The following PKDREJ variants were observed in gnomAD, a reference collection of about 807,000 sequenced individuals.
PKDREJ encodes polycystin family receptor for egg jelly.
For missense variants in PKDREJ, 2,507 were observed against 2,807.2 expected, an observed-to-expected ratio of 0.89 and a Z score of 2.42; for synonymous variants, 1,031 against 1,095.5, an observed-to-expected ratio of 0.94 and a Z score of 1.16.
In PKDREJ at chr22:46,258,308, C is replaced by A. The variant is rs760064218; in HGVS notation, c.5015G>T (p.Arg1672Met). Residue 1672 changes from arginine (R) to methionine (M), a missense_variant, in exon 1 of 1, where the codon AGG (arginine) becomes ATG (methionine). Coordinates refer to ENST00000253255, the MANE Select transcript of PKDREJ (RefSeq NM_006071.2). This position sits in a 1 kb window ranked among gnomAD's most constrained non-coding sequence, Gnocchi z 6.1. ...GATTCGGACGATCTGGTCATGTATC[C>A]TCTGCATTTCTTCTGGATGCATACG... ...GMRMHPEEMQ[R>M]IHDQIVRIRG... The A allele has an allele frequency of 6.2e-7, 1 of 1,614,142 alleles. No homozygotes were observed. Among genetic ancestry groups the A allele is most frequent in the South Asian group, 1.1e-5 (1 of 91,082 alleles).
rs1044843895 is a variant in PKDREJ at position 46,263,275 on chromosome 22, C to G, written c.48G>C (p.Leu16=). ...GCGGCAGCGGGAGGCGGCCGACGCTCAGGCTCAGGCCCACGCCCAGAAGGA... is the reference window on the plus strand; with the variant it reads ...GCGGCAGCGGGAGGCGGCCGACGCTGAGGCTCAGGCCCACGCCCAGAAGGA... The part of the protein sequence containing the change: ...ALLLLGVGLS[L]SVGRLPLPPV... Residue 16 remains leucine (L), a synonymous_variant, in exon 1 of 1, where the codon CTG becomes CTC. Coordinates refer to ENST00000253255, the MANE Select transcript of PKDREJ (RefSeq NM_006071.2). This position sits in a 1 kb window ranked among gnomAD's most constrained non-coding sequence, Gnocchi z 9.4. 4.8e-6 allele frequency: 7 copies of G among 1,468,308 alleles called. No individual in the cohort carries two copies. The African/African-American group carries it at 8.9e-5, about 19-fold the overall frequency. The allele number at this position is 1,468,308 out of a possible 1,614,324, so 91.0% of individuals were successfully genotyped here. A position where few individuals can be genotyped will look rare whatever the true frequency, so the allele number is the denominator to read the frequency against.
chr22:46,260,565 C>T lies in PKDREJ; in HGVS notation c.2758G>A (p.Asp920Asn), dbSNP rs1936685410. 6 of 1,614,020 alleles carry T rather than the reference C, an allele frequency of 3.7e-6. No individual in the cohort carries two copies. Among genetic ancestry groups the T allele is most frequent in the Admixed American group, 1.7e-5 (1 of 60,006 alleles). Residue 920 changes from aspartate (D) to asparagine (N), a missense_variant, in exon 1 of 1, where the codon GAT becomes AAT. Physicochemically the swap from Asp to Asn is conservative, Grantham distance 23 (BLOSUM62 1). Coordinates refer to ENST00000253255, the MANE Select transcript of PKDREJ (RefSeq NM_006071.2). The surrounding 1 kb of genome is among the most constrained non-coding windows in gnomAD (Gnocchi z 4.5). ...FTNDLFPWLNDQENTSVEVSG... is the reference protein window; with the variant it reads ...FTNDLFPWLNNQENTSVEVSG... ...ACCTCCACCGAAGTGTTTTCCTGAT[C>T]ATTTAACCAAGGAAAGAGGTCATTT... is the stretch of plus-strand genomic sequence containing the variant.
chr22:46,258,504 A>C lies in PKDREJ; in HGVS notation c.4819T>G (p.Ser1607Ala), dbSNP rs1215111303. The C allele has an allele frequency of 6.2e-7, 1 of 1,614,128 alleles. No individual in the cohort carries two copies. The highest frequency in any genetic ancestry group is 1.7e-5 in the Admixed American group (1 of 60,026). The change falls in exon 1 of 1, where the codon TCA becomes GCA. Residue 1607 changes from serine to alanine, a missense_variant. Physicochemically the swap from Ser to Ala is moderately conservative, Grantham distance 99. Coordinates refer to ENST00000253255, the MANE Select transcript of PKDREJ (RefSeq NM_006071.2). The surrounding 1 kb of genome is among the most constrained non-coding windows in gnomAD (Gnocchi z 6.1). ...FYGLTYGYDK[S>A]IEWLFASFCS... ...AAAGATGCAAAGAGCCATTCTATTG[A>C]CTTGTCATAGCCGTAAGTCAGTCCA...
rs564152730 is a variant in PKDREJ at position 46,261,963 on chromosome 22, G to T, written c.1360C>A (p.Pro454Thr). Residue 454 changes from proline to threonine, a missense_variant, in exon 1 of 1, where the codon CCA (proline) becomes ACA (threonine). Pro to Thr is a conservative substitution (Grantham distance 38). Coordinates refer to ENST00000253255, the MANE Select transcript of PKDREJ (RefSeq NM_006071.2). The surrounding 1 kb of genome is among the most constrained non-coding windows in gnomAD (Gnocchi z 7.1). ...SDKRVHVLQG[P>T]KAIAHITCIE... is the part of the protein sequence containing the mutation. ...CATGTGATGTGTGCTATGGCTTTTG[G>T]TCCTTGGAGCACGTGGACCCTCTTA... 1.2e-6 allele frequency: 2 copies of T among 1,614,094 alleles called. No individual in the cohort carries two copies. The highest frequency in any genetic ancestry group is 1.6e-4 in the Middle Eastern group (1 of 6,062).
chr22:46,257,206 G>A lies in PKDREJ; in HGVS notation c.6117C>T (p.Pro2039=). ...GATCTACCTGAGAAACTGCATGAAA[G>A]GGAATGAAGTCTTCTGGGTTCGACA... ...FYLSNPEDFI[P]FHAVSQVDHI... is the part of the protein sequence containing the mutation. The change falls in exon 1 of 1, where the codon CCC becomes CCT. Residue 2039 remains proline, a synonymous_variant. Transcript: ENST00000253255. This position sits in a 1 kb window ranked among gnomAD's most constrained non-coding sequence, Gnocchi z 4.7. 1.2e-6 allele frequency: 2 copies of A among 1,614,026 alleles called. No homozygotes were observed. The highest frequency in any genetic ancestry group is 1.7e-6 in the Non-Finnish European group (2 of 1,180,030).
rs372014655 is a variant in PKDREJ at position 46,260,661 on chromosome 22, T to C, written c.2662A>G (p.Thr888Ala). The C allele has an allele frequency of 1.9e-6, 3 of 1,614,174 alleles. No homozygotes were observed. The African/African-American group carries it at 4.0e-5, about 22-fold the overall frequency. Residue 888 changes from threonine (T) to alanine (A), a missense_variant, in exon 1 of 1, where the codon ACA becomes GCA. By Grantham distance (58) the Thr-to-Ala change is moderately conservative. Coordinates refer to ENST00000253255, the MANE Select transcript of PKDREJ (RefSeq NM_006071.2). The surrounding 1 kb of genome is among the most constrained non-coding windows in gnomAD (Gnocchi z 4.5). ...CCAGGAACACTGCTCACATTGAGTG[T>C]TGGATAAAAACAATTTCTGCAGTGT... Reference protein sequence around the residue: ...EKHCRNCFYPTLNVSSVPGLS... With the variant: ...EKHCRNCFYPALNVSSVPGLS...
rs1254348358 is a variant in PKDREJ at position 46,257,588 on chromosome 22, C to T, written c.5735G>A (p.Trp1912Ter). Residue 1912 changes from tryptophan to a stop codon, truncating the protein, a stop_gained, in exon 1 of 1, where the codon TGG becomes TAG. Transcript: ENST00000253255. LOFTEE classifies it low-confidence loss of function (END_TRUNC). This position sits in a 1 kb window ranked among gnomAD's most constrained non-coding sequence, Gnocchi z 4.7. ...QESNWLDEKT[W>*]AVVLELTTFN... Reference sequence around the variant, plus strand: ...AGTTGTTAATTCCAAAACCACAGCCCATGTCTTCTCATCCAGCCAATTGCT... The same window carrying T: ...AGTTGTTAATTCCAAAACCACAGCCTATGTCTTCTCATCCAGCCAATTGCT... 1 of 1,614,140 alleles carries T rather than the reference C, an allele frequency of 6.2e-7. No individual in the cohort carries two copies. The highest frequency in any genetic ancestry group is 1.7e-5 in the Admixed American group (1 of 60,026).
chr22:46,259,899 G>A lies in PKDREJ; in HGVS notation c.3424C>T (p.Arg1142Trp), dbSNP rs746217943. The change falls in exon 1 of 1, where the codon CGG becomes TGG. Residue 1142 changes from arginine to tryptophan, a missense_variant. By Grantham distance (101) the Arg-to-Trp change is moderately radical. Coordinates refer to ENST00000253255, the MANE Select transcript of PKDREJ (RefSeq NM_006071.2). The surrounding 1 kb of genome is among the most constrained non-coding windows in gnomAD (Gnocchi z 6.8). ...CICKNVVRARRQLGTIGLTGI... is the reference protein window; with the variant it reads ...CICKNVVRARWQLGTIGLTGI... ...GTGAGTCCGATTGTGCCCAGCTGCC[G>A]CCTAGCCCTTACTACATTCTTGCAG... The A allele has an allele frequency of 1.1e-5, 18 of 1,613,464 alleles. No homozygotes were observed. The highest frequency in any genetic ancestry group is 3.3e-5 in the South Asian group (3 of 91,072).
In PKDREJ at chr22:46,256,616, A is replaced by T; in HGVS notation, c.6707T>A (p.Leu2236Gln). ...GTTGATGTTTCTGGTCTTCAGCCCC[A>T]GATAACGGTGGCTGTTCTTCTCTGG... is the stretch of plus-strand genomic sequence containing the variant. Reference protein sequence around the residue: ...GQPEKNSHRYLGLKTRNINGK... With the variant: ...GQPEKNSHRYQGLKTRNINGK... The change falls in exon 1 of 1, where the codon CTG (leucine) becomes CAG (glutamine). Residue 2236 changes from leucine to glutamine, a missense_variant. Coordinates refer to ENST00000253255, the MANE Select transcript of PKDREJ (RefSeq NM_006071.2). This position sits in a 1 kb window ranked among gnomAD's most constrained non-coding sequence, Gnocchi z 5.3. 6.2e-7 allele frequency: 1 copy of T among 1,614,178 alleles called. No individual in the cohort carries two copies. Among genetic ancestry groups the T allele is most frequent in the Non-Finnish European group, 8.5e-7 (1 of 1,180,032 alleles).
In PKDREJ at chr22:46,259,536, C is replaced by T. The variant is rs201536306; in HGVS notation, c.3787G>A (p.Val1263Met). 122 of 1,614,058 alleles carry T rather than the reference C, an allele frequency of 7.6e-5. 3 individuals are homozygous for T. The South Asian group carries it at 1.0e-3, about 14-fold the overall frequency. The change falls in exon 1 of 1, where the codon GTG becomes ATG. Residue 1263 changes from valine to methionine, a missense_variant. Physicochemically the swap from Val to Met is conservative, Grantham distance 21. Transcript: ENST00000253255. The surrounding 1 kb of genome is among the most constrained non-coding windows in gnomAD (Gnocchi z 6.8). ...AAATGTGGATGGCTTAAACAATGCACGTCGCTGGTACTCACAGTTCCTCTA... is the reference window on the plus strand; with the variant it reads ...AAATGTGGATGGCTTAAACAATGCATGTCGCTGGTACTCACAGTTCCTCTA... ...QLRGTVSTSD[V>M]HCLSHPHFTT...
rs1267728083 is a variant in PKDREJ at position 46,256,640 on chromosome 22, G to C, written c.6683C>G (p.Pro2228Arg). Residue 2228 changes from proline to arginine, a missense_variant, in exon 1 of 1, where the codon CCA becomes CGA. By Grantham distance (103) the Pro-to-Arg change is moderately radical. Coordinates refer to ENST00000253255, the MANE Select transcript of PKDREJ (RefSeq NM_006071.2). This position sits in a 1 kb window ranked among gnomAD's most constrained non-coding sequence, Gnocchi z 5.3. ...EFFIDMLYGQ[P>R]EKNSHRYLGL... is the part of the protein sequence containing the mutation. ...CAGATAACGGTGGCTGTTCTTCTCTGGCTGCCCATACAGCATGTCAATAAA... is the reference window on the plus strand; with the variant it reads ...CAGATAACGGTGGCTGTTCTTCTCTCGCTGCCCATACAGCATGTCAATAAA... 7 of 1,613,996 alleles carry C rather than the reference G, an allele frequency of 4.3e-6. No homozygotes were observed. The Admixed American group carries it at 5.0e-5, about 12-fold the overall frequency.
In PKDREJ at chr22:46,257,519, A is replaced by G; in HGVS notation, c.5804T>C (p.Phe1935Ser). 6.2e-7 allele frequency: 1 copy of G among 1,614,184 alleles called. No individual in the cohort carries two copies. Among genetic ancestry groups the G allele is most frequent in the African/African-American group, 1.3e-5 (1 of 75,074 alleles). The change falls in exon 1 of 1, where the codon TTT becomes TCT. Residue 1935 changes from phenylalanine to serine, a missense_variant. By Grantham distance (155) the Phe-to-Ser change is radical. Transcript: ENST00000253255. The surrounding 1 kb of genome is among the most constrained non-coding windows in gnomAD (Gnocchi z 4.7). ...GACAACTCCTAACTGAGAGACTTCA[A>G]ATATGACCGAAATGCTACAGAACAG... ...INLFCSISVI[F>S]EVSQLGVVNT... is the part of the protein sequence containing the mutation.
Position 46,263,227 on chromosome 22 carries a change from G to A in PKDREJ, c.96C>T (p.Ala32=). 2.8e-6 allele frequency: 4 copies of A among 1,451,866 alleles called. No homozygotes were observed. Among genetic ancestry groups the A allele is most frequent in the Non-Finnish European group, 3.6e-6 (4 of 1,109,002 alleles). 89.9% of individuals were successfully genotyped at this position (1,451,866 alleles called of 1,614,324 possible). Reference sequence around the variant, plus strand: ...GGCCACCGGGCGCCCCGGAGACGGCGGCTTGTGCCCCGCGAGGAACCGGCG... The same window carrying A: ...GGCCACCGGGCGCCCCGGAGACGGCAGCTTGTGCCCCGCGAGGAACCGGCG... ...PLPPVPRGAQ[A]AVSGAPGGLL... The change falls in exon 1 of 1, where the codon GCC becomes GCT. Residue 32 remains alanine, a synonymous_variant. Transcript: ENST00000253255. The surrounding 1 kb of genome is among the most constrained non-coding windows in gnomAD (Gnocchi z 9.4).
At position 46,260,167 on chromosome 22, in the gene PKDREJ, C is replaced by G. The variant is rs144805092; in HGVS notation, c.3156G>C (p.Lys1052Asn). 4.3e-6 allele frequency: 7 copies of G among 1,614,130 alleles called. No homozygotes were observed. The highest frequency in any genetic ancestry group is 5.1e-6 in the Non-Finnish European group (6 of 1,180,008). ...ACACAGGGAGGCAGACTACACGGGC[C>G]TTCTTCACTGTGCAGGCTGGGTCAA... ...ALFDPACTVK[K>N]ARVVCLPVSL... is the part of the protein sequence containing the mutation. Residue 1052 changes from lysine (K) to asparagine (N), a missense_variant, in exon 1 of 1, where the codon AAG (lysine) becomes AAC (asparagine). Lys to Asn is a moderately conservative substitution (Grantham distance 94). Transcript: ENST00000253255. The surrounding 1 kb of genome is among the most constrained non-coding windows in gnomAD (Gnocchi z 4.5).
Position 46,258,272 on chromosome 22 carries a change from C to G in PKDREJ, c.5051G>C (p.Arg1684Thr). 1 of 1,614,172 alleles carries G rather than the reference C, an allele frequency of 6.2e-7. No homozygotes were observed. The highest frequency in any genetic ancestry group is 8.5e-7 in the Non-Finnish European group (1 of 1,180,032). ...HDQIVRIRGT[R>T]MYQPLTEDEI... is the part of the protein sequence containing the mutation. ...ATCTTCTGTAAGGGGTTGGTACATC[C>G]TCGTGCCTCGGATTCGGACGATCTG... Residue 1684 changes from arginine to threonine, a missense_variant, in exon 1 of 1, where the codon AGG becomes ACG. Coordinates refer to ENST00000253255, the MANE Select transcript of PKDREJ (RefSeq NM_006071.2). This position sits in a 1 kb window ranked among gnomAD's most constrained non-coding sequence, Gnocchi z 6.1.
In PKDREJ at chr22:46,260,410, G is replaced by T. The variant is rs745404093; in HGVS notation, c.2913C>A (p.Asn971Lys). The T allele has an allele frequency of 1.2e-6, 2 of 1,614,216 alleles. No individual in the cohort carries two copies. The highest frequency in any genetic ancestry group is 2.2e-5 in the South Asian group (2 of 91,086). ...TCTTCAAGGACCCATCAACCTCGCT[G>T]TTGGGTCCCACTGTGAGATTAAAAG... is the stretch of plus-strand genomic sequence containing the variant. ...FAAFNLTVGP[N>K]SEVDGSLKKT... Residue 971 changes from asparagine (N) to lysine (K), a missense_variant, in exon 1 of 1, where the codon AAC becomes AAA. Physicochemically the swap from Asn to Lys is moderately conservative, Grantham distance 94. Coordinates refer to ENST00000253255, the MANE Select transcript of PKDREJ (RefSeq NM_006071.2). The surrounding 1 kb of genome is among the most constrained non-coding windows in gnomAD (Gnocchi z 4.5).
Position 46,262,940 on chromosome 22 carries a change from C to A in PKDREJ, c.383G>T (p.Trp128Leu). Residue 128 changes from tryptophan to leucine, a missense_variant, in exon 1 of 1, where the codon TGG becomes TTG. By Grantham distance (61) the Trp-to-Leu change is moderately conservative (BLOSUM62 -2). Transcript: ENST00000253255. This position sits in a 1 kb window ranked among gnomAD's most constrained non-coding sequence, Gnocchi z 8.1. ...SARGGRLSLT[W>L]SVRLPRSPGR... ...GGGCGAGCGCGGCAGCCGCACGGAC[C>A]ACGTCAGGGAGAGGCGGCCGCCGCG... is the stretch of plus-strand genomic sequence containing the variant. 4.5e-6 allele frequency: 5 copies of A among 1,108,614 alleles called. No homozygotes were observed. Among genetic ancestry groups the A allele is most frequent in the Non-Finnish European group, 5.5e-6 (5 of 912,000 alleles). The allele number at this position is 1,108,614 out of a possible 1,614,324, so 68.7% of individuals were successfully genotyped here.
At position 46,257,997 on chromosome 22, in the gene PKDREJ, G is replaced by A; in HGVS notation, c.5326C>T (p.Leu1776=). The A allele has an allele frequency of 6.2e-7, 1 of 1,614,082 alleles. No individual in the cohort carries two copies. Among genetic ancestry groups the A allele is most frequent in the Non-Finnish European group, 8.5e-7 (1 of 1,180,018 alleles). ...SVLLPLLHND[L]NPTFLPESSS... is the part of the protein sequence containing the mutation. The stretch of plus-strand genomic sequence containing the variant: ...CTTTCAGGAAGAAATGTTGGATTCA[G>A]GTCATTGTGTAACAAAGGCAACAGC... Residue 1776 remains leucine (L), a synonymous_variant, in exon 1 of 1, where the codon CTG becomes TTG. Coordinates refer to ENST00000253255, the MANE Select transcript of PKDREJ (RefSeq NM_006071.2). This position sits in a 1 kb window ranked among gnomAD's most constrained non-coding sequence, Gnocchi z 4.7.
rs1256645752 is a variant in PKDREJ, at chr22:46,261,108, C to T, written c.2215G>A (p.Asp739Asn). Residue 739 changes from aspartate to asparagine, a missense_variant, in exon 1 of 1, where the codon GAT becomes AAT. Transcript: ENST00000253255. This position sits in a 1 kb window ranked among gnomAD's most constrained non-coding sequence, Gnocchi z 7.1. The part of the protein sequence containing the change: ...DRVNLRKHLI[D>N]QSFLLPVSTL... The stretch of plus-strand genomic sequence containing the variant: ...CTTACAGGAAGAAGGAAAGACTGAT[C>T]GATGAGGTGTTTTCGGAGATTGACT... 3.7e-6 allele frequency: 6 copies of T among 1,613,904 alleles called. No homozygotes were observed. The highest frequency in any genetic ancestry group is 5.1e-6 in the Non-Finnish European group (6 of 1,180,016).
Sources: gnomAD v4.1 joint callset for allele counts on GRCh38, gnomAD v4.1.1 for gene constraint, Gnocchi (gnomAD v3.1) non-coding constraint, MANE v1.5 for transcripts, NCBI Gene and HGNC (gene_info 2026-07-23, HGNC 2026-07-21) for gene names.